PPP2R3A: variants seen among roughly 807,000 people sequenced by gnomAD.
PPP2R3A encodes serine/threonine-protein phosphatase 2A regulatory subunit B'' subunit alpha.
PPP2R3A carries 80 observed loss-of-function variants against 106.9 expected under a neutral mutation model. The observed-to-expected ratio is 0.75, with a 90% CI of 0.62 to 0.90. PPP2R3A has a LOEUF of 0.90. PPP2R3A is among the 40% of genes least tolerant of loss of function. The pLI, the probability that PPP2R3A is intolerant of heterozygous loss-of-function variation, is 0.00. For synonymous variants in PPP2R3A, 483 were observed against 468.3 expected, an observed-to-expected ratio of 1.03 and a Z score of -0.41; for missense variants, 1,386 against 1,350.4, an observed-to-expected ratio of 1.03 and a Z score of -0.41.
intron 5 of PPP2R3A, among the ~76,000 whole-genome samples, chr3:136,056,954 CAG>C (rs1935885231): frequency 5.3e-5 from 8 of 152,058 alleles, no homozygotes; most frequent in Admixed American, 2.0e-4. Flanking sequence ...CACTAATCAT[CAG>C]AGAAATGAAA....
At chr3:135,992,050 T>C (rs1933188558) in intron 1 of PPP2R3A, among the ~76,000 whole-genome samples, 1 of 152,130 alleles carries the variant, frequency 6.6e-6, no homozygotes, top group South Asian at 2.1e-4. Context: ...ATATTAATTT[T>C]ATTTATTTTA....
intron 2 of PPP2R3A, among the ~76,000 whole-genome samples, chr3:136,022,541 T>A (rs1185946383): frequency 6.6e-6 from 1 of 152,156 alleles, no homozygotes; most frequent in African/African-American, 2.4e-5. Flanking sequence ...GTTCTTTTTT[T>A]TATAAAATAT....
rs370938134 is a variant in PPP2R3A, at chr3:136,003,447, A to G, written c.1949A>G (p.Asp650Gly). 1 of 1,613,390 alleles carries G rather than the reference A, an allele frequency of 6.2e-7. No individual in the cohort carries two copies. Among genetic ancestry groups the G allele is most frequent in the Non-Finnish European group, 8.5e-7 (1 of 1,179,758 alleles). ...AGTCCTGTTGGTGATAAAGCCAAAG[A>G]TACTACTTCAGCAGTTTTGATTCAG... ...CRSPVGDKAK[D>G]TTSAVLIQQT... Residue 650 changes from aspartate to glycine, a missense_variant, in exon 2 of 14, where the codon GAT (aspartate) becomes GGT (glycine). Asp to Gly is a moderately conservative substitution (Grantham distance 94). Transcript: ENST00000264977.
intron 1 of PPP2R3A, among the ~76,000 whole-genome samples, chr3:135,966,084 C>T (rs1032033234): frequency 6.6e-6 from 1 of 151,908 alleles, no homozygotes; most frequent in East Asian, 1.9e-4. Flanking sequence ...CGGCCGGTCC[C>T]GGGACACGGC....
At chr3:136,069,297 C>G (rs1156305345) in intron 5 of PPP2R3A, among the ~76,000 whole-genome samples, 3 of 152,084 alleles carry the variant, frequency 2.0e-5, no homozygotes, top group Non-Finnish European at 2.9e-5. Flanking sequence ...AAAAAGTTAG[C>G]CAGGCATGGT....
In PPP2R3A at chr3:136,096,658, T is replaced by C. The variant is rs1258030802; in HGVS notation, c.2928-5349T>C. On this transcript the variant is annotated intron_variant, in intron 10 of 13. Transcript: ENST00000264977. ...AGTAGTAAATAATAAAATATGTATATTGAATATGCAACAGAATATACATTT... is the reference window on the plus strand; with the variant it reads ...AGTAGTAAATAATAAAATATGTATACTGAATATGCAACAGAATATACATTT... Among the ~76,000 whole-genome samples the C allele has an allele frequency of 2.6e-5, 4 of 152,374 alleles. No homozygotes were observed. In the South Asian group the frequency reaches 6.2e-4, roughly 24 times the overall value.
chr3:136,075,822 A>G (rs1936578224), intron 6 of PPP2R3A, among the ~76,000 whole-genome samples: 1 of 152,202 alleles, frequency 6.6e-6, no homozygotes, highest in Admixed American at 6.5e-5. Flanking sequence ...GTGGTTTAAT[A>G]ATATATATTG....
In PPP2R3A at chr3:136,146,651, C is replaced by CTATTA. The variant is rs1398662164; in HGVS notation, c.*1486_*1490dup. ...TGATTAGAACTGATCTTCCATTTAA[C>CTATTA]TATTACAGAAAGCAGTAACTATTGC... On this transcript the variant is annotated 3_prime_UTR_variant, in exon 14 of 14. Transcript: ENST00000264977. 2.0e-5 allele frequency: 3 copies of CTATTA among 152,138 alleles called. No individual in the cohort carries two copies. Among genetic ancestry groups the CTATTA allele is most frequent in the Non-Finnish European group, 4.4e-5 (3 of 68,022 alleles). The allele number at this position is 152,138 out of a possible 1,614,324, so 9.4% of individuals were successfully genotyped here. A position where few individuals can be genotyped will look rare whatever the true frequency, so the allele number is the denominator to read the frequency against.
In PPP2R3A at chr3:136,082,270, A is replaced by C. The variant is rs767575253; in HGVS notation, c.2637A>C (p.Leu879=). 21 of 1,581,542 alleles carry C rather than the reference A, an allele frequency of 1.3e-5. No homozygotes were observed. The highest frequency in any genetic ancestry group is 8.7e-7 in the Non-Finnish European group (1 of 1,150,686). The change falls in exon 8 of 14, where the codon CTA becomes CTC. Residue 879 remains leucine, a synonymous_variant. Transcript: ENST00000264977. ...TTCTTTTCATATAATTTCAGACCCTAGCACTTTTGGAAGAAGAGGAAGATA... is the reference window on the plus strand; with the variant it reads ...TTCTTTTCATATAATTTCAGACCCTCGCACTTTTGGAAGAAGAGGAAGATA... ...EIRKSNFLQT[L]ALLEEEEDIN...
At chr3:136,018,138 G>C (rs1463356463) in intron 2 of PPP2R3A, among the ~76,000 whole-genome samples, 2 of 152,112 alleles carry the variant, frequency 1.3e-5, no homozygotes, top group Non-Finnish European at 2.9e-5. Context: ...ACAGTGCCAT[G>C]TGCCTGTAGT....
intron 1 of PPP2R3A, among the ~76,000 whole-genome samples, chr3:135,999,316 G>T: frequency 6.6e-6 from 1 of 152,108 alleles, no homozygotes. Context: ...CTTATATTAG[G>T]CCACACTGGC....
chr3:136,118,354 A>T (rs1937860803), intron 13 of PPP2R3A, among the ~76,000 whole-genome samples: 1 of 152,238 alleles, frequency 6.6e-6, no homozygotes. Context: ...CGTATTCAAC[A>T]TAGTATTTGA....
At chr3:136,124,298 T>C (rs1056428860) in intron 13 of PPP2R3A, among the ~76,000 whole-genome samples, 2 of 152,114 alleles carry the variant, frequency 1.3e-5, no homozygotes, top group Admixed American at 1.3e-4. Context: ...AAGATCAGAC[T>C]GGGCAGCACA....
chr3:136,061,208 C>T (rs1344715218), intron 5 of PPP2R3A, among the ~76,000 whole-genome samples: 3 of 152,092 alleles, frequency 2.0e-5, no homozygotes, highest in African/African-American at 4.8e-5. Context: ...AGGACCACTT[C>T]AGGAATTTTA....
At chr3:136,086,374 C>T (rs778475691) in intron 8 of PPP2R3A, among the ~76,000 whole-genome samples, 3 of 151,756 alleles carry the variant, frequency 2.0e-5, no homozygotes, top group South Asian at 2.1e-4. Flanking sequence ...CCTAGCTACT[C>T]GGGAGGCTGA....
At chr3:136,083,950 CAAG>C (rs1481093043) in intron 8 of PPP2R3A, among the ~76,000 whole-genome samples, 4 of 152,146 alleles carry the variant, frequency 2.6e-5, no homozygotes, top group Non-Finnish European at 5.9e-5. Context: ...GCAAAGCATT[CAAG>C]AAGTGACAGT....
intron 2 of PPP2R3A, chr3:136,022,678 A>G (rs1452570325): frequency 2.4e-6 from 2 of 826,346 alleles, no homozygotes; most frequent in Non-Finnish European, 2.9e-6. Context: ...AGAAGGTACT[A>G]TTTTTAGGTC....
chr3:135,994,930 A>G (rs1933327653), intron 1 of PPP2R3A, among the ~76,000 whole-genome samples: 1 of 152,214 alleles, frequency 6.6e-6, no homozygotes, highest in African/African-American at 2.4e-5. Flanking sequence ...TTTGTTTTAC[A>G]GCAGATCTTC....
At chr3:136,030,778 A>ATATATATATATATATATATGTATG (rs1206335696) in intron 3 of PPP2R3A, among the ~76,000 whole-genome samples, 27 of 111,302 alleles carry the variant, frequency 2.4e-4, no homozygotes, top group Non-Finnish European at 4.5e-4. Context: ...ATATATATAT[A>ATATATATATATATATATATGTATG]TATGTATGTA....
Sources: gnomAD v4.1 joint callset for allele counts (sites outside exome capture counted in the v4.1 genomes callset) on GRCh38, gnomAD v4.1.1 for gene constraint, MANE v1.5 for transcripts, NCBI Gene and HGNC (gene_info 2026-07-23, HGNC 2026-07-21) for gene names.